The following KAZN variants were observed in gnomAD, a reference collection of about 807,000 sequenced individuals.
The protein encoded by KAZN is kazrin.
Under a neutral mutation model 87.4 loss-of-function variants are expected in KAZN, and 40 were observed. That is an observed-to-expected ratio of 0.46 (90% CI 0.36 to 0.60). KAZN has a LOEUF of 0.60. Ranked by LOEUF, KAZN falls within the 20% of genes least tolerant of loss-of-function variation. The pLI is 0.00. For missense variants in KAZN, 898 were observed against 1,073.9 expected, an observed-to-expected ratio of 0.84 and a Z score of 2.29; for synonymous variants, 466 against 458.3, an observed-to-expected ratio of 1.02 and a Z score of -0.22.
At chr1:15,007,676 C>G (rs1466365056) in intron 2 of KAZN, among the ~76,000 whole-genome samples, 1 of 152,194 alleles carries the variant, frequency 6.6e-6, no homozygotes, top group Non-Finnish European at 1.5e-5. Context: ...GGGCAGGTAG[C>G]TCACCTGCCC....
At chr1:14,248,519 G>C (rs559501497) in intron 2 of KAZN, among the ~76,000 whole-genome samples, 102 of 152,328 alleles carry the variant, frequency 6.7e-4, no homozygotes, top group Non-Finnish European at 1.2e-3. Flanking sequence ...GCTGCTCCTA[G>C]CCCAGTTCAG....
chr1:14,613,820 G>A (rs1678003876), intron 1 of KAZN, among the ~76,000 whole-genome samples: 1 of 152,214 alleles, frequency 6.6e-6, no homozygotes, highest in Admixed American at 6.5e-5. Flanking sequence ...GCAGTGAGGT[G>A]CTTGACAAGT....
chr1:14,094,050 T>A (rs1644068840), intron 1 of KAZN, among the ~76,000 whole-genome samples: 1 of 152,088 alleles, frequency 6.6e-6, no homozygotes, highest in African/African-American at 2.4e-5. Flanking sequence ...TGGAGTCACA[T>A]TTTTAGGTAT....
intron 2 of KAZN, among the ~76,000 whole-genome samples, chr1:14,484,883 G>A (rs1057499112): frequency 8.5e-5 from 13 of 152,184 alleles, no homozygotes; most frequent in Admixed American, 7.9e-4. Flanking sequence ...ATGCCAAAAT[G>A]CTTTGTCAAA....
At chr1:14,470,102 A>G (rs1668373459) in intron 2 of KAZN, among the ~76,000 whole-genome samples, 1 of 152,248 alleles carries the variant, frequency 6.6e-6, no homozygotes, top group Non-Finnish European at 1.5e-5. Flanking sequence ...GCATGCCTAC[A>G]TATTTCAAAC....
chr1:14,706,178 T>C (rs1259541625), intron 1 of KAZN, among the ~76,000 whole-genome samples: 1 of 152,174 alleles, frequency 6.6e-6, no homozygotes, highest in African/African-American at 2.4e-5. Flanking sequence ...CACCCTCAGA[T>C]GGGACCATCT....
intron 2 of KAZN, among the ~76,000 whole-genome samples, chr1:15,002,758 T>C (rs1668617306): frequency 1.3e-5 from 2 of 151,924 alleles, no homozygotes; most frequent in East Asian, 3.9e-4. Context: ...GGCAGATCAC[T>C]TGAGGTCAGG....
In KAZN at chr1:14,043,352, G is replaced by C. The variant is rs189784189; in HGVS notation, c.92-137083G>C. ...TCCATTAATCTGTTGATGGACACTGGGTTATTCCAGCCTTTTGGCTGTTGT... is the reference window on the plus strand; with the variant it reads ...TCCATTAATCTGTTGATGGACACTGCGTTATTCCAGCCTTTTGGCTGTTGT... On this transcript the variant is annotated intron_variant, in intron 1 of 16. Transcript: ENST00000636203. 2.0e-3 allele frequency among the ~76,000 whole-genome samples: 301 copies of C among 152,244 alleles called. 2 individuals carry two copies. Among genetic ancestry groups the C allele is most frequent in the Non-Finnish European group, 3.3e-3 (224 of 68,028 alleles).
chr1:14,691,572 C>T (rs76717323), intron 1 of KAZN, among the ~76,000 whole-genome samples: 3,441 of 152,150 alleles, frequency 0.023, 142 homozygotes, highest in African/African-American at 0.079. Context: ...CTGAAAATTC[C>T]GCCTCCTGGG....
At chr1:14,092,791 C>G (rs1424614660) in intron 1 of KAZN, among the ~76,000 whole-genome samples, 1 of 152,112 alleles carries the variant, frequency 6.6e-6, no homozygotes, top group Non-Finnish European at 1.5e-5. Context: ...TCCAACGCTA[C>G]AATTTTTTGC....
intron 8 of KAZN, among the ~76,000 whole-genome samples, chr1:15,070,331 G>A (rs779667754): frequency 3.9e-5 from 6 of 152,232 alleles, no homozygotes; most frequent in Non-Finnish European, 8.8e-5. Context: ...CACCCCTAGA[G>A]AGGAATCAGC....
chr1:14,393,244 C>T (rs190795210), intron 2 of KAZN, among the ~76,000 whole-genome samples: 284 of 152,266 alleles, frequency 1.9e-3, no homozygotes, highest in Non-Finnish European at 3.4e-3. Context: ...GGAACCATCT[C>T]GTGTATCACC....
intron 1 of KAZN, among the ~76,000 whole-genome samples, chr1:14,601,731 G>A (rs1360697787): frequency 6.6e-6 from 1 of 152,160 alleles, no homozygotes; most frequent in Non-Finnish European, 1.5e-5. Context: ...TTTTCATTTT[G>A]TCTGTGTTGG....
intron 1 of KAZN, among the ~76,000 whole-genome samples, chr1:14,174,534 C>T (rs1267245539): frequency 6.6e-6 from 1 of 152,044 alleles, no homozygotes; most frequent in Non-Finnish European, 1.5e-5. Flanking sequence ...CTTATTTGAG[C>T]TATGTTTAAA....
At chr1:14,219,097 A>G (rs1647033059) in intron 2 of KAZN, among the ~76,000 whole-genome samples, 1 of 152,204 alleles carries the variant, frequency 6.6e-6, no homozygotes, top group African/African-American at 2.4e-5. Context: ...GTTTTCTTCA[A>G]CAAATAAATT....
intron 1 of KAZN, among the ~76,000 whole-genome samples, chr1:14,000,204 C>T (rs1639720882): frequency 6.6e-6 from 1 of 152,160 alleles, no homozygotes; most frequent in African/African-American, 2.4e-5. Flanking sequence ...TTTTATGACA[C>T]CAGCATCATC....
chr1:14,560,736 G>C (rs1429417059), intron 2 of KAZN, among the ~76,000 whole-genome samples: 3 of 152,146 alleles, frequency 2.0e-5, no homozygotes, highest in Admixed American at 1.3e-4. Context: ...TGTGAAGAAG[G>C]AGAAGATGGG....
intron 1 of KAZN, among the ~76,000 whole-genome samples, chr1:14,067,459 C>T (rs545623635): frequency 6.6e-6 from 1 of 152,308 alleles, no homozygotes; most frequent in African/African-American, 2.4e-5. Flanking sequence ...CAACCAGCCC[C>T]TACCCCAGAT....
intron 1 of KAZN, among the ~76,000 whole-genome samples, chr1:14,015,311 AAT>A (rs1349146088): frequency 6.6e-6 from 1 of 151,980 alleles, no homozygotes; most frequent in Non-Finnish European, 1.5e-5. Context: ...TTCAGATGAT[AAT>A]GGCTCTGTCT....
Sources: allele counts gnomAD v4.1 joint callset (sites outside exome capture counted in the v4.1 genomes callset), GRCh38; gene constraint gnomAD v4.1.1; transcripts MANE v1.5; gene names NCBI Gene and HGNC (gene_info 2026-07-23, HGNC 2026-07-21).